Variants in MGST1 observed in about 807,000 individuals in gnomAD.
MGST1 encodes microsomal glutathione S-transferase 1, also known as glutathione S-transferase 12.
Under a neutral mutation model 8.9 loss-of-function variants are expected in MGST1, and 5 were observed. The ratio of observed to expected loss-of-function variants is 0.56; its 90% CI spans 0.29 to 1.19. MGST1 has a LOEUF of 1.19. Among genes scored for constraint, MGST1 ranks in the 50% most tolerant of loss-of-function variants. The pLI is 0.08. For missense variants in MGST1, 182 were observed against 187.4 expected, an observed-to-expected ratio of 0.97 and a Z score of 0.17; for synonymous variants, 54 against 67.8, an observed-to-expected ratio of 0.80 and a Z score of 1.00.
intron 4 of MGST1, among the ~76,000 whole-genome samples, chr12:16,531,818 G>A (rs1373672764): frequency 6.6e-6 from 1 of 152,060 alleles, no homozygotes; most frequent in Non-Finnish European, 1.5e-5. Context: ...ACTGGCCCTG[G>A]GCTAATTGAA....
intron 4 of MGST1, among the ~76,000 whole-genome samples, chr12:16,486,175 C>G (rs76753045): frequency 1.3e-5 from 2 of 152,316 alleles, no homozygotes; most frequent in East Asian, 3.9e-4. Context: ...TTCGTAACTA[C>G]TCTACCTTGA....
At chr12:16,545,627 T>C (rs1941819184) in intron 4 of MGST1, among the ~76,000 whole-genome samples, 1 of 152,074 alleles carries the variant, frequency 6.6e-6, no homozygotes, top group Non-Finnish European at 1.5e-5. Flanking sequence ...TTTACTTCAG[T>C]GTACCCTCAC....
In MGST1 at chr12:16,517,877, G is replaced by C. The variant is rs1449416429; in HGVS notation, n.483-71651G>C. On this transcript the variant is annotated intron_variant and non_coding_transcript_variant, in intron 4 of 4. Coordinates refer to the MGST1 transcript ENST00000538857. This position sits in a 1 kb window ranked among gnomAD's most constrained non-coding sequence, Gnocchi z 4.2. ...TTAATACATAGGTCCCTAAGTTCTT[G>C]ATTAATGTACATTTAGCCTTAAAGA... is the stretch of plus-strand genomic sequence containing the variant. Among the ~76,000 whole-genome samples, 2 of 152,174 alleles carry C rather than the reference G, an allele frequency of 1.3e-5. No homozygotes were observed. The highest frequency in any genetic ancestry group is 2.9e-5 in the Non-Finnish European group (2 of 68,038).
intron 4 of MGST1, among the ~76,000 whole-genome samples, chr12:16,568,861 A>G (rs1942710149): frequency 6.6e-6 from 1 of 152,198 alleles, no homozygotes; most frequent in African/African-American, 2.4e-5. Flanking sequence ...TGGAGATCCA[A>G]AATTTTCTAA....
In MGST1 at chr12:16,547,012, G is replaced by A. The variant is rs925917076; in HGVS notation, n.483-42516G>A. ...AGCTATTCTTTGTACTGTTCAACAC[G>A]AAAGTCTTACATCTTGATTATAAAA... On this transcript the variant is annotated intron_variant and non_coding_transcript_variant, in intron 4 of 4. Transcript: ENST00000538857. This position sits in a 1 kb window ranked among gnomAD's most constrained non-coding sequence, Gnocchi z 4.6. Among the ~76,000 whole-genome samples, 2 of 152,222 alleles carry A rather than the reference G, an allele frequency of 1.3e-5. No individual in the cohort carries two copies. Among genetic ancestry groups the A allele is most frequent in the Non-Finnish European group, 2.9e-5 (2 of 68,012 alleles).
intron 4 of MGST1, chr12:16,573,719 C>T (rs1942901472): frequency 6.6e-6 from 1 of 152,192 alleles, no homozygotes; most frequent in Non-Finnish European, 1.5e-5. Flanking sequence ...ACCCTAATGA[C>T]CCCTGAAGCA....
chr12:16,463,354 T>C (rs2137127103), intron 4 of MGST1, among the ~76,000 whole-genome samples: 1 of 150,352 alleles, frequency 6.7e-6, no homozygotes, highest in Non-Finnish European at 1.5e-5. Context: ...CCAGCTTCAC[T>C]TTTTTCTTAA....
chr12:16,557,706 T>G (rs924040730), intron 4 of MGST1, among the ~76,000 whole-genome samples: 1 of 152,124 alleles, frequency 6.6e-6, no homozygotes, highest in Admixed American at 6.5e-5. Flanking sequence ...GAACCAGTTG[T>G]GTTCCTGACA....
At chr12:16,581,689 C>T (rs1943163864) in intron 4 of MGST1, among the ~76,000 whole-genome samples, 1 of 152,050 alleles carries the variant, frequency 6.6e-6, no homozygotes, top group South Asian at 2.1e-4. Context: ...TTCTGTGATA[C>T]TTATCTAGCA....
At chr12:16,476,398 T>C (rs1941323487) in intron 4 of MGST1, among the ~76,000 whole-genome samples, 1 of 152,208 alleles carries the variant, frequency 6.6e-6, no homozygotes, top group Non-Finnish European at 1.5e-5. Context: ...CCCATGAATA[T>C]TGAGCAAGAA....
Position 16,364,070 on chromosome 12 carries a change from G to A in MGST1, c.*29G>A, listed in dbSNP as rs1338951581. 6.4e-7 allele frequency: 1 copy of A among 1,553,426 alleles called. No individual in the cohort carries two copies. The highest frequency in any genetic ancestry group is 2.3e-5 in the East Asian group (1 of 44,320). Reference sequence around the variant, plus strand: ...AAATCATACAACTCAGCATCCAGTTGGCTTTTTAAGAATTCTGTACTTCCA... The same window carrying A: ...AAATCATACAACTCAGCATCCAGTTAGCTTTTTAAGAATTCTGTACTTCCA... On this transcript the variant is annotated 3_prime_UTR_variant, in exon 4 of 4. Coordinates refer to ENST00000396210, the MANE Select transcript of MGST1 (RefSeq NM_020300.5). The surrounding 1 kb of genome is among the most constrained non-coding windows in gnomAD (Gnocchi z 5.7).
At chr12:16,591,569 C>T (rs889743019), downstream of MGST1, among the ~76,000 whole-genome samples, 2 of 151,744 alleles carry the variant, frequency 1.3e-5, no homozygotes, top group Non-Finnish European at 2.9e-5. The surrounding 1 kb of genome is among the most constrained non-coding windows in gnomAD (Gnocchi z 4.1). Context: ...TTTTACAGTA[C>T]CTAGAATATA....
chr12:16,352,283 A>G (rs1234296250), intron 1 of MGST1, among the ~76,000 whole-genome samples: 2 of 152,242 alleles, frequency 1.3e-5, no homozygotes, highest in African/African-American at 4.8e-5. Context: ...AGCAACACAA[A>G]GATGGCTATA....
intron 4 of MGST1, among the ~76,000 whole-genome samples, chr12:16,488,426 A>G (rs182390759): frequency 5.3e-4 from 80 of 152,062 alleles, no homozygotes; most frequent in African/African-American, 1.7e-3. Flanking sequence ...CTTGTGCCCC[A>G]AAGTCTTCAT....
At chr12:16,463,440 G>T (rs1376808470) in intron 4 of MGST1, among the ~76,000 whole-genome samples, 1 of 131,818 alleles carries the variant, frequency 7.6e-6, no homozygotes, top group Non-Finnish European at 1.6e-5. Context: ...TGCTCTGGGG[G>T]TGGGGGGAGG....
At chr12:16,522,178 C>T (rs1000786075) in intron 4 of MGST1, among the ~76,000 whole-genome samples, 2 of 152,092 alleles carry the variant, frequency 1.3e-5, no homozygotes, top group African/African-American at 4.8e-5. Context: ...TCTTCATCAG[C>T]TCGGGGATTG....
chr12:16,373,539 C>G (rs1263154224), intron 3 of MGST1, among the ~76,000 whole-genome samples: 1 of 150,980 alleles, frequency 6.6e-6, no homozygotes, highest in Non-Finnish European at 1.5e-5. Context: ...GTATCCGTAT[C>G]CATAAGAATA....
chr12:16,548,264 CTT>C lies in MGST1; in HGVS notation n.483-41263_483-41262del, dbSNP rs1018520742. 6.6e-6 allele frequency: 1 copy of C among 152,142 alleles called. No individual in the cohort carries two copies. Among genetic ancestry groups the C allele is most frequent in the Non-Finnish European group, 1.5e-5 (1 of 68,004 alleles). The allele number at this position is 152,142 out of a possible 1,614,324, so 9.4% of individuals were successfully genotyped here. On this transcript the variant is annotated intron_variant and non_coding_transcript_variant, in intron 4 of 4. Transcript: ENST00000538857. This position sits in a 1 kb window ranked among gnomAD's most constrained non-coding sequence, Gnocchi z 4.2. ...GGTGCTTTGTCTATGCTTGTTATGA[CTT>C]AGCTTTAGAAAGTAAATGTCCTTAC...
intron 4 of MGST1, among the ~76,000 whole-genome samples, chr12:16,515,568 T>G (rs542038292): frequency 7.0e-6 from 1 of 142,540 alleles, no homozygotes; most frequent in African/African-American, 2.6e-5. Flanking sequence ...AGGCGGAGGG[T>G]GCAGTGAGCC....
Sources: allele counts gnomAD v4.1 joint callset (sites outside exome capture counted in the v4.1 genomes callset), GRCh38; gene constraint gnomAD v4.1.1; non-coding constraint Gnocchi (gnomAD v3.1); transcripts MANE v1.5; gene names NCBI Gene and HGNC (gene_info 2026-07-23, HGNC 2026-07-21).